The following GUCY2C variants were observed in gnomAD, a reference collection of about 807,000 sequenced individuals.
GUCY2C encodes guanylate cyclase 2C.
A neutral mutation model predicts 131.1 loss-of-function variants in GUCY2C; 118 were observed. The ratio of observed to expected loss-of-function variants is 0.90; its 90% CI spans 0.78 to 1.05. The LOEUF is 1.05. Among genes scored for constraint, GUCY2C ranks in the 50% least tolerant of loss-of-function variants. GUCY2C has a pLI of 0.00. For synonymous variants in GUCY2C, 452 were observed against 457.8 expected (o/e 0.99, Z 0.16); for missense variants, 1,161 against 1,304.4 (o/e 0.89, Z 1.69).
At chr12:14,632,815 AG>A (rs1947176680) in intron 19 of GUCY2C, among the ~76,000 whole-genome samples, 1 of 151,952 alleles carries the variant, frequency 6.6e-6, no homozygotes, top group Non-Finnish European at 1.5e-5. Context: ...GAGATCTCCT[AG>A]CCCAGTCCAC....
At position 14,679,725 on chromosome 12, in the gene GUCY2C, G is replaced by T; in HGVS notation, c.762C>A (p.Phe254Leu). Residue 254 changes from phenylalanine (F) to leucine (L), a missense_variant, in exon 6 of 27, where the codon TTC becomes TTA. Transcript: ENST00000261170. ...CTCGGTCACCCTTCAGCTTGTAGAG[G>T]AACTCTGGACCACCACACATAATAA... The part of the protein sequence containing the change: ...NVIIMCGGPE[F>L]LYKLKGDRAV... 6.3e-7 allele frequency: 1 copy of T among 1,591,264 alleles called. No homozygotes were observed. Among genetic ancestry groups the T allele is most frequent in the Non-Finnish European group, 8.6e-7 (1 of 1,159,282 alleles).
chr12:14,652,032 T>C lies in GUCY2C; in HGVS notation c.1534-2A>G, dbSNP rs1947670380. 2 of 1,578,504 alleles carry C rather than the reference T, an allele frequency of 1.3e-6. No individual in the cohort carries two copies. Among genetic ancestry groups the C allele is most frequent in the Middle Eastern group, 1.7e-4 (1 of 5,776 alleles). On this transcript the variant is annotated splice_acceptor_variant, in intron 13 of 26. Coordinates refer to ENST00000261170, the MANE Select transcript of GUCY2C (RefSeq NM_004963.4). LOFTEE classifies it high-confidence loss of function. ...CTTGAGATCTTTGAGAATCACTCGC[T>C]GCAAAAATCAATGAAATTTAGGAGA...
At chr12:14,645,195 AT>A (rs1378410979) in intron 16 of GUCY2C, 33 bp downstream of exon 16, 1 of 1,113,710 alleles carries the variant, frequency 9.0e-7, no homozygotes, top group Non-Finnish European at 1.3e-6. Context: ...CTTATATTTA[AT>A]TTTCATATTT....
Position 14,683,106 on chromosome 12 carries a change from T to G in GUCY2C, c.547A>C (p.Lys183Gln), listed in dbSNP as rs374822546. The G allele has an allele frequency of 5.3e-5, 86 of 1,613,722 alleles. No homozygotes were observed. The highest frequency in any genetic ancestry group is 7.0e-5 in the Non-Finnish European group (82 of 1,179,772). ...TACGAAGTGCTCCAGGAATAAGTTT[T>G]GAAGGGCAGATCGTTGGTTTTCCAA... The part of the protein sequence containing the change: ...NFWKTNDLPF[K>Q]TYSWSTSYVY... The change falls in exon 4 of 27, where the codon AAA (lysine) becomes CAA (glutamine). Residue 183 changes from lysine to glutamine, a missense_variant. Lys to Gln is a moderately conservative substitution (Grantham distance 53, BLOSUM62 1). Transcript: ENST00000261170.
At chr12:14,615,506 C>T (rs1303801656) in intron 25 of GUCY2C, among the ~76,000 whole-genome samples, 1 of 151,696 alleles carries the variant, frequency 6.6e-6, no homozygotes, top group Non-Finnish European at 1.5e-5. Flanking sequence ...TTTGCTAAAG[C>T]TGGTATTTGA....
At chr12:14,617,362 T>A (rs934528045) in intron 24 of GUCY2C, among the ~76,000 whole-genome samples, 3 of 152,156 alleles carry the variant, frequency 2.0e-5, no homozygotes, top group African/African-American at 7.2e-5. Flanking sequence ...CCCTGCGTGA[T>A]GTGATGGGGA....
At chr12:14,628,437 C>T (rs2136994994) in intron 20 of GUCY2C, among the ~76,000 whole-genome samples, 1 of 152,224 alleles carries the variant, frequency 6.6e-6, no homozygotes, top group South Asian at 2.1e-4. Flanking sequence ...AAGTTTTGAC[C>T]TTGAGTATGT....
intron 24 of GUCY2C, among the ~76,000 whole-genome samples, chr12:14,617,895 A>G (rs1946802757): frequency 6.6e-6 from 1 of 152,180 alleles, no homozygotes; most frequent in Non-Finnish European, 1.5e-5. Flanking sequence ...ACTGAGAATG[A>G]TTAACATAAT....
chr12:14,644,740 C>CTTTTTTT (rs542151875), intron 16 of GUCY2C, among the ~76,000 whole-genome samples: 4 of 108,658 alleles, frequency 3.7e-5, no homozygotes, highest in Non-Finnish European at 5.7e-5. Context: ...ATTCAGTTGT[C>CTTTTTTT]TTTTTTTTTT....
In GUCY2C at chr12:14,614,855, C is replaced by A; in HGVS notation, c.3047+12G>T. ...AATTTCCTCCCTGTCCCTGCCACAC[C>A]CAGAAGCTTACACAGTAGGAGGGGT... is the stretch of plus-strand genomic sequence containing the variant. On this transcript the variant is annotated intron_variant, in intron 26 of 26. Transcript: ENST00000261170. 1 of 1,550,728 alleles carries A rather than the reference C, an allele frequency of 6.4e-7. No individual in the cohort carries two copies.
Position 14,688,056 on chromosome 12 carries a change from A to T in GUCY2C, c.225T>A (p.Asn75Lys). ...VRGRLQNAGL[N>K]VTVNATFMYS... ...ACATGAAAGTAGCGTTCACAGTCAC[A>T]TTTAGGCCTGTCGCCCAGAGATGAG... is the stretch of plus-strand genomic sequence containing the variant. Residue 75 changes from asparagine (N) to lysine (K), a missense_variant, in exon 2 of 27, where the codon AAT becomes AAA. By Grantham distance (94) the Asn-to-Lys change is moderately conservative. Transcript: ENST00000261170. The T allele has an allele frequency of 1.2e-6, 2 of 1,605,460 alleles. No homozygotes were observed. The highest frequency in any genetic ancestry group is 1.1e-5 in the South Asian group (1 of 90,908).
At chr12:14,686,802 T>A (rs79470919) in intron 2 of GUCY2C, among the ~76,000 whole-genome samples, 2,765 of 152,254 alleles carry the variant, frequency 0.018, 89 homozygotes, top group African/African-American at 0.062. Flanking sequence ...AATTGTGATG[T>A]GGAGTTTATT....
At chr12:14,682,369 C>T (rs1323500030) in intron 4 of GUCY2C, among the ~76,000 whole-genome samples, 1 of 152,118 alleles carries the variant, frequency 6.6e-6, no homozygotes, top group African/African-American at 2.4e-5. Flanking sequence ...GGGCTCTTCC[C>T]TTTTTGCTTA....
intron 10 of GUCY2C, among the ~76,000 whole-genome samples, chr12:14,664,819 G>A (rs1299299662): frequency 6.6e-6 from 1 of 152,150 alleles, no homozygotes; most frequent in African/African-American, 2.4e-5. Flanking sequence ...GGAGTCCAGA[G>A]TAGAAATATA....
intron 20 of GUCY2C, among the ~76,000 whole-genome samples, chr12:14,626,379 A>G (rs1005080243): frequency 5.3e-5 from 8 of 152,218 alleles, no homozygotes; most frequent in African/African-American, 1.9e-4. Context: ...AGATTAAAAA[A>G]GGGAAAACAA....
chr12:14,696,027 A>G (rs1426535128), intron 1 of GUCY2C, among the ~76,000 whole-genome samples: 1 of 152,184 alleles, frequency 6.6e-6, no homozygotes, highest in Non-Finnish European at 1.5e-5. Context: ...GGCTAGTCCC[A>G]GAGCAAGGTG....
At chr12:14,690,516 C>A (rs138129573) in intron 1 of GUCY2C, among the ~76,000 whole-genome samples, 311 of 152,218 alleles carry the variant, frequency 2.0e-3, no homozygotes, top group African/African-American at 7.1e-3. Flanking sequence ...ATGTCTGATT[C>A]CTAAGCAGGG....
intron 24 of GUCY2C, among the ~76,000 whole-genome samples, chr12:14,616,970 C>T (rs1398938008): frequency 6.6e-6 from 1 of 152,154 alleles, no homozygotes; most frequent in African/African-American, 2.4e-5. Context: ...AGTCCTGGCC[C>T]CCGACCAGGT....
intron 19 of GUCY2C, among the ~76,000 whole-genome samples, chr12:14,638,269 G>A (rs1042970256): frequency 6.6e-6 from 1 of 152,296 alleles, no homozygotes; most frequent in East Asian, 1.9e-4. Context: ...CTGTTGATGG[G>A]AATGTAAATT....
Sources: gnomAD v4.1 joint callset for allele counts (sites outside exome capture counted in the v4.1 genomes callset) on GRCh38, gnomAD v4.1.1 for gene constraint, MANE v1.5 for transcripts, NCBI Gene and HGNC (gene_info 2026-07-23, HGNC 2026-07-21) for gene names.